Variants in C8A observed in about 807,000 individuals in gnomAD.
The protein encoded by C8A is complement component C8 alpha chain.
In C8A, 67 loss-of-function variants were observed where a neutral mutation model predicts 65.3. The observed-to-expected ratio is 1.03, with a 90% CI of 0.84 to 1.26. The LOEUF (loss-of-function observed/expected upper bound fraction) is 1.26, where lower values mean the gene tolerates loss of function less well. Among genes scored for constraint, C8A ranks in the 50% most tolerant of loss-of-function variants. C8A has a pLI of 0.00. For missense variants in C8A, 781 were observed against 723.9 expected (o/e 1.08, Z -0.90); for synonymous variants, 290 against 259.4 (o/e 1.12, Z -1.13).
chr1:56,892,001 A>G lies in C8A; in HGVS notation c.1096+5834A>G, dbSNP rs1276124111. Reference sequence around the variant, plus strand: ...TCTAGCACAAGGCTGGGCCCACAGTAGATGCACCACGAATACTCATTGAGC... The same window carrying G: ...TCTAGCACAAGGCTGGGCCCACAGTGGATGCACCACGAATACTCATTGAGC... On this transcript the variant is annotated intron_variant, in intron 7 of 10. Transcript: ENST00000361249. Among the ~76,000 whole-genome samples, 3 of 152,134 alleles carry G rather than the reference A, an allele frequency of 2.0e-5. No homozygotes were observed. In the East Asian group the frequency reaches 5.8e-4, roughly 29 times the overall value.
At chr1:56,882,512 C>A (rs745385804) in intron 5 of C8A, among the ~76,000 whole-genome samples, 2 of 152,106 alleles carry the variant, frequency 1.3e-5, no homozygotes, top group Non-Finnish European at 1.5e-5. Context: ...TAAGTCCAGG[C>A]TGCACAACAT....
rs755053334 is a variant in C8A at position 56,917,679 on chromosome 1, C to G, written c.1718C>G (p.Ser573Trp). ...CCAGCACCTCAGAATGGAGGGGCCT[C>G]GTGTCCAGGGCGGAAAGTACAGACG... is the stretch of plus-strand genomic sequence containing the variant. ...DNPAPQNGGA[S>W]CPGRKVQTQA... Residue 573 changes from serine to tryptophan, a missense_variant, in exon 11 of 11, where the codon TCG becomes TGG. Ser to Trp is a radical substitution (Grantham distance 177). Transcript: ENST00000361249. 2.2e-5 allele frequency: 35 copies of G among 1,614,084 alleles called. 1 individual carries two copies. In the Middle Eastern group the frequency reaches 4.9e-4, roughly 23 times the overall value.
In C8A at chr1:56,898,808, T is replaced by A. The variant is rs138484798; in HGVS notation, c.1097-7859T>A. Among the ~76,000 whole-genome samples the A allele has an allele frequency of 3.8e-3, 578 of 152,152 alleles. 1 individual carries two copies. The highest frequency in any genetic ancestry group is 0.014 in the African/African-American group (561 of 41,504). ...TGGGGTGGTTCCAAATCTGAGCCCA[T>A]GTATGCTGGGCAGCCTCCAGAGCTT... On this transcript the variant is annotated intron_variant, in intron 7 of 10. Coordinates refer to ENST00000361249, the MANE Select transcript of C8A (RefSeq NM_000562.3).
chr1:56,861,346 G>A (rs896230039), intron 1 of C8A, among the ~76,000 whole-genome samples: 4 of 152,116 alleles, frequency 2.6e-5, no homozygotes, highest in Non-Finnish European at 4.4e-5. Context: ...TGGCAGAGAA[G>A]GTAAAAAAGG....
intron 3 of C8A, 139 bp downstream of exon 3, chr1:56,875,232 T>G: frequency 2.1e-6 from 2 of 932,858 alleles, no homozygotes; most frequent in Non-Finnish European, 3.3e-6. Flanking sequence ...GGATGGGTCC[T>G]AGGAATCTGC....
chr1:56,908,156 A>G, intron 9 of C8A, 43 bp downstream of exon 9: 1 of 1,589,600 alleles, frequency 6.3e-7, no homozygotes, highest in Non-Finnish European at 8.6e-7. Flanking sequence ...TCCATGAGGA[A>G]TGAAAGTGAA....
intron 6 of C8A, among the ~76,000 whole-genome samples, chr1:56,884,032 C>T (rs1371619479): frequency 1.3e-5 from 2 of 150,490 alleles, no homozygotes; most frequent in Admixed American, 1.3e-4. Flanking sequence ...TAAAGCAAGC[C>T]TTGCTTTTCC....
chr1:56,898,882 T>A (rs1557711659), intron 7 of C8A, among the ~76,000 whole-genome samples: 1 of 152,150 alleles, frequency 6.6e-6, no homozygotes, highest in Non-Finnish European at 1.5e-5. Context: ...CTGAACTGAA[T>A]TGGACAATAA....
At chr1:56,857,176 C>G (rs1643984934) in intron 1 of C8A, among the ~76,000 whole-genome samples, 1 of 151,948 alleles carries the variant, frequency 6.6e-6, no homozygotes, top group African/African-American at 2.4e-5. Context: ...TAATGTCACT[C>G]AAGTTTTCAT....
intron 6 of C8A, among the ~76,000 whole-genome samples, chr1:56,885,410 ATT>A (rs1644288359): frequency 1.1e-5 from 1 of 92,772 alleles, no homozygotes; most frequent in South Asian, 3.9e-4. Context: ...ATATATATTT[ATT>A]TAAATATATA....
Position 56,881,516 on chromosome 1 carries a change from C to T in C8A, c.536C>T (p.Thr179Met), listed in dbSNP as rs140970213. ...DASYYGGQCE[T>M]VYNGEWRELR... ...AGTTATTATGGGGGCCAGTGTGAGA[C>T]GGTATACAATGGGGAATGGAGGGAG... The change falls in exon 5 of 11, where the codon ACG becomes ATG. Residue 179 changes from threonine to methionine, a missense_variant. Physicochemically the swap from Thr to Met is moderately conservative, Grantham distance 81. Transcript: ENST00000361249. 5.8e-5 allele frequency: 93 copies of T among 1,613,566 alleles called. 1 individual carries two copies. The African/African-American group carries it at 9.1e-4, about 16-fold the overall frequency.
At chr1:56,860,175 T>C (rs1644018878) in intron 1 of C8A, among the ~76,000 whole-genome samples, 1 of 152,176 alleles carries the variant, frequency 6.6e-6, no homozygotes, top group African/African-American at 2.4e-5. Context: ...GGGAATTTTC[T>C]GTAAAGATGG....
At chr1:56,895,440 G>C (rs1367416705) in intron 7 of C8A, among the ~76,000 whole-genome samples, 1 of 152,074 alleles carries the variant, frequency 6.6e-6, no homozygotes, top group Non-Finnish European at 1.5e-5. Context: ...GCTATTACTT[G>C]GTGAAGTCAA....
intron 7 of C8A, among the ~76,000 whole-genome samples, chr1:56,891,356 G>T (rs1056419934): frequency 6.6e-6 from 1 of 152,092 alleles, no homozygotes; most frequent in Non-Finnish European, 1.5e-5. Context: ...GTTGGAAGAA[G>T]CCAAGAGGTG....
chr1:56,910,100 C>G (rs1282578121), intron 9 of C8A, among the ~76,000 whole-genome samples: 2 of 152,104 alleles, frequency 1.3e-5, no homozygotes, highest in Non-Finnish European at 2.9e-5. Context: ...ACAAGGGGAC[C>G]AGGTAGGGGT....
chr1:56,911,799 T>C (rs1774898), intron 9 of C8A, among the ~76,000 whole-genome samples: 15,603 of 152,268 alleles, frequency 0.1, 1,251 homozygotes, highest in African/African-American at 0.22. Context: ...TTAGGGAAAT[T>C]GCTCAGCAAT....
At chr1:56,902,534 T>A (rs1446918772) in intron 7 of C8A, among the ~76,000 whole-genome samples, 2 of 152,300 alleles carry the variant, frequency 1.3e-5, no homozygotes, top group South Asian at 4.1e-4. Context: ...AAATCTACCC[T>A]CTTAGCCAAC....
chr1:56,904,089 G>A (rs1644446138), intron 7 of C8A, among the ~76,000 whole-genome samples: 1 of 152,124 alleles, frequency 6.6e-6, no homozygotes, highest in Non-Finnish European at 1.5e-5. Flanking sequence ...TCTTTATAAT[G>A]GCTCCAGACC....
chr1:56,858,947 AC>A (rs1317712233), intron 1 of C8A, among the ~76,000 whole-genome samples: 1 of 152,252 alleles, frequency 6.6e-6, no homozygotes, highest in East Asian at 1.9e-4. Context: ...TGGAGATAAT[AC>A]ATATTTCTTA....
Sources: gnomAD v4.1 joint callset for allele counts (sites outside exome capture counted in the v4.1 genomes callset) on GRCh38, gnomAD v4.1.1 for gene constraint, MANE v1.5 for transcripts, NCBI Gene and HGNC (gene_info 2026-07-23, HGNC 2026-07-21) for gene names.